ZMYND12: variants seen among roughly 807,000 people sequenced by gnomAD.
The protein encoded by ZMYND12 is zinc finger MYND-type containing 12.
ZMYND12 carries 32 observed loss-of-function variants against 41.7 expected under a neutral mutation model. That is an observed-to-expected ratio of 0.77 (90% CI 0.58 to 1.03). The LOEUF is 1.03. Among genes scored for constraint, ZMYND12 ranks in the 50% least tolerant of loss-of-function variants. ZMYND12 has a pLI of 0.00. For synonymous variants in ZMYND12, 148 were observed against 164.8 expected (o/e 0.90, Z 0.78); for missense variants, 424 against 438.5 (o/e 0.97, Z 0.30).
intron 2 of ZMYND12, among the ~76,000 whole-genome samples, chr1:42,449,143 T>C (rs1643054163): frequency 6.6e-6 from 1 of 152,240 alleles, no homozygotes; most frequent in African/African-American, 2.4e-5. Context: ...ATCTTATGTT[T>C]AGAGATTTAT....
At chr1:42,451,149 A>G (rs1213216648) in intron 1 of ZMYND12, among the ~76,000 whole-genome samples, 1 of 152,140 alleles carries the variant, frequency 6.6e-6, no homozygotes, top group Admixed American at 6.5e-5. Context: ...TAATTGTTCT[A>G]TGCATTACTG....
At chr1:42,431,558 T>TC (rs1229273186) in intron 7 of ZMYND12, among the ~76,000 whole-genome samples, 1 of 151,962 alleles carries the variant, frequency 6.6e-6, no homozygotes, top group East Asian at 1.9e-4. Flanking sequence ...AACAGCTGAG[T>TC]CAAGTGAAGG....
At chr1:42,444,117 C>T (rs1642997992) in intron 3 of ZMYND12, among the ~76,000 whole-genome samples, 1 of 152,144 alleles carries the variant, frequency 6.6e-6, no homozygotes, top group African/African-American at 2.4e-5. Flanking sequence ...CCCATTTCGA[C>T]TTCCCGAAGT....
chr1:42,455,334 G>GCGATCT (rs1322575584), intron 1 of ZMYND12, among the ~76,000 whole-genome samples: 1 of 152,164 alleles, frequency 6.6e-6, no homozygotes, highest in African/African-American at 2.4e-5. Context: ...GTGCAGTGGC[G>GCGATCT]CGATCTCCGC....
chr1:42,447,658 T>G (rs1643037418), intron 3 of ZMYND12, among the ~76,000 whole-genome samples: 1 of 152,242 alleles, frequency 6.6e-6, no homozygotes, highest in Admixed American at 6.5e-5. Flanking sequence ...GTGAACAACT[T>G]ACTCTCAGAG....
rs772664231 is a variant in ZMYND12, at chr1:42,436,514, T to C, written c.624A>G (p.Thr208=). ...AGCCTCCTGAAGTCCTAATGTCCTCTGTTCCAAATGCACAACTGGCAAAAT... is the reference window on the plus strand; with the variant it reads ...AGCCTCCTGAAGTCCTAATGTCCTCCGTTCCAAATGCACAACTGGCAAAAT... ...DIYFASCAFG[T]EDIRTSGGYF... is the part of the protein sequence containing the mutation. Residue 208 remains threonine (T), a synonymous_variant, in exon 5 of 8, where the codon ACA becomes ACG. Coordinates refer to ENST00000372565, the MANE Select transcript of ZMYND12 (RefSeq NM_032257.5). 2.5e-6 allele frequency: 4 copies of C among 1,613,458 alleles called. No individual in the cohort carries two copies. Among genetic ancestry groups the C allele is most frequent in the African/African-American group, 1.3e-5 (1 of 74,920 alleles).
At chr1:42,433,926 AG>A (rs35764547) in intron 6 of ZMYND12, among the ~76,000 whole-genome samples, 18,027 of 152,266 alleles carry the variant, frequency 0.12, 1,257 homozygotes, top group East Asian at 0.22. Flanking sequence ...CATCATGTTA[AG>A]GTTGGCTATC....
intron 3 of ZMYND12, among the ~76,000 whole-genome samples, chr1:42,444,301 A>G (rs1343662815): frequency 2.0e-5 from 3 of 152,208 alleles, no homozygotes; most frequent in African/African-American, 2.4e-5. Context: ...CAGACAGTAA[A>G]GAAAGAGATG....
rs138113238 is a variant in ZMYND12, at chr1:42,449,440, G to T, written c.252+478C>A. ...CTAGGGCCTGTAGAGTGGTGATTAA[G>T]TTAGAATGAGGCCATTAGGGTGGGC... On this transcript the variant is annotated intron_variant, in intron 2 of 7. Coordinates refer to ENST00000372565, the MANE Select transcript of ZMYND12 (RefSeq NM_032257.5). 7.6e-3 allele frequency among the ~76,000 whole-genome samples: 1,159 copies of T among 152,272 alleles called. 16 individuals are homozygous for T. Among genetic ancestry groups the T allele is most frequent in the African/African-American group, 0.027 (1,111 of 41,538 alleles).
intron 1 of ZMYND12, among the ~76,000 whole-genome samples, chr1:42,451,469 G>A (rs1394553049): frequency 1.3e-5 from 2 of 152,166 alleles, no homozygotes; most frequent in South Asian, 4.1e-4. Context: ...ATAATCTAGA[G>A]GAGGGATCAG....
rs750270129 is a variant in ZMYND12 at position 42,430,758 on chromosome 1, G to A, written c.1076C>T (p.Thr359Ile). ...TCACTAAGTAATGGGATGGTCTTCA[G>A]TTGAAATGAGACTTAATAACTCTTG... ...TIQELLSLIS[T>I]EDHPIT Residue 359 changes from threonine to isoleucine, a missense_variant, in exon 8 of 8, where the codon ACT becomes ATT. Physicochemically the swap from Thr to Ile is moderately conservative, Grantham distance 89 (BLOSUM62 -1). Coordinates refer to ENST00000372565, the MANE Select transcript of ZMYND12 (RefSeq NM_032257.5). The A allele has an allele frequency of 6.2e-7, 1 of 1,614,058 alleles. No individual in the cohort carries two copies. Among genetic ancestry groups the A allele is most frequent in the East Asian group, 2.2e-5 (1 of 44,894 alleles).
intron 6 of ZMYND12, among the ~76,000 whole-genome samples, chr1:42,433,900 C>T (rs370423356): frequency 5.3e-5 from 8 of 151,762 alleles, no homozygotes; most frequent in East Asian, 1.9e-4. Flanking sequence ...GAGAAAAAGA[C>T]GAAAAGGATA....
At position 42,450,699 on chromosome 1, in the gene ZMYND12, G is replaced by T. The variant is rs141180489; in HGVS notation, c.111-640C>A. Among the ~76,000 whole-genome samples the T allele has an allele frequency of 2.2e-3, 340 of 152,262 alleles. 2 individuals are homozygous for T. The highest frequency in any genetic ancestry group is 7.9e-3 in the African/African-American group (327 of 41,550). Reference sequence around the variant, plus strand: ...TTTGAGATCTTCTTTTCAATGTAATGTATATTAGTATAAATTCATATGAGT... The same window carrying T: ...TTTGAGATCTTCTTTTCAATGTAATTTATATTAGTATAAATTCATATGAGT... On this transcript the variant is annotated intron_variant, in intron 1 of 7. Transcript: ENST00000372565.
At chr1:42,447,935 C>T (rs1643040626) in intron 3 of ZMYND12, among the ~76,000 whole-genome samples, 1 of 152,116 alleles carries the variant, frequency 6.6e-6, no homozygotes, top group Non-Finnish European at 1.5e-5. Context: ...ACACTCAAGC[C>T]ATGTCAACAA....
Sources: gnomAD v4.1 joint callset for allele counts (sites outside exome capture counted in the v4.1 genomes callset) on GRCh38, gnomAD v4.1.1 for gene constraint, MANE v1.5 for transcripts, NCBI Gene and HGNC (gene_info 2026-07-23, HGNC 2026-07-21) for gene names.